PDE7B: variants seen among roughly 807,000 people sequenced by gnomAD.
PDE7B encodes the protein 3',5'-cyclic-AMP phosphodiesterase 7B.
A neutral mutation model predicts 56.2 loss-of-function variants in PDE7B; 29 were observed. The observed-to-expected ratio is 0.52, with a 90% CI of 0.38 to 0.70. The LOEUF is 0.70. PDE7B is among the 30% of genes least tolerant of loss of function. PDE7B has a pLI of 0.00. For missense variants in PDE7B, 490 were observed against 565.0 expected (o/e 0.87, Z 1.35); for synonymous variants, 197 against 196.9 (o/e 1.00, Z 0.00).
rs117256975 is a variant in PDE7B at position 136,087,182 on chromosome 6, C to T, written c.83-21549C>T. 2.7e-4 allele frequency among the ~76,000 whole-genome samples: 41 copies of T among 152,236 alleles called. No individual in the cohort carries two copies. The East Asian group carries it at 4.2e-3, about 16-fold the overall frequency. ...TATGGTTTAATTGTTGATTGTGGCA[C>T]GGCTGGGCATCTTACGTCGATTAAT... is the stretch of plus-strand genomic sequence containing the variant. On this transcript the variant is annotated intron_variant, in intron 2 of 12. Transcript: ENST00000308191.
chr6:136,179,358 A>G (rs191261515), intron 10 of PDE7B, among the ~76,000 whole-genome samples: 94 of 152,204 alleles, frequency 6.2e-4, no homozygotes, highest in African/African-American at 2.0e-3. Flanking sequence ...ACACAAAACA[A>G]CAACAACAAA....
intron 2 of PDE7B, among the ~76,000 whole-genome samples, chr6:136,081,998 G>T (rs1777213393): frequency 6.6e-6 from 1 of 152,122 alleles, no homozygotes; most frequent in African/African-American, 2.4e-5. Context: ...AGTCAGTCAG[G>T]GTAGGGCCCA....
Position 135,859,326 on chromosome 6 carries a change from C to T in PDE7B, c.21+7307C>T, listed in dbSNP as rs181089344. On this transcript the variant is annotated intron_variant, in intron 1 of 12. Transcript: ENST00000308191. Reference sequence around the variant, plus strand: ...TCATGCTTTTCCAATTAAATAAAAACCTAATTTCAATTGGGTTTTTAGCTT... The same window carrying T: ...TCATGCTTTTCCAATTAAATAAAAATCTAATTTCAATTGGGTTTTTAGCTT... Among the ~76,000 whole-genome samples, 6 of 151,604 alleles carry T rather than the reference C, an allele frequency of 4.0e-5. No individual in the cohort carries two copies. The East Asian group carries it at 1.2e-3, about 29-fold the overall frequency.
chr6:135,967,087 G>A (rs957052984), intron 2 of PDE7B, among the ~76,000 whole-genome samples: 1 of 152,118 alleles, frequency 6.6e-6, no homozygotes, highest in African/African-American at 2.4e-5. Flanking sequence ...CCTGGAACCT[G>A]GGCCTCCTCT....
At chr6:135,864,567 CTT>C (rs1775215233) in intron 1 of PDE7B, among the ~76,000 whole-genome samples, 1 of 151,940 alleles carries the variant, frequency 6.6e-6, no homozygotes, top group Non-Finnish European at 1.5e-5. Context: ...AGAAAATAGT[CTT>C]TTAAAAGCAA....
In PDE7B at chr6:136,186,117, T is replaced by TA. The variant is rs11305273; in HGVS notation, c.1046-910dup. Among the ~76,000 whole-genome samples, 39 of 150,112 alleles carry TA rather than the reference T, an allele frequency of 2.6e-4. No homozygotes were observed. The South Asian group carries it at 2.8e-3, about 11-fold the overall frequency. ...CCAGCCTGATAGCTGACCAAGGCAT[T>TA]AAAAAAAAACATTTTGAGCTGGGTG... On this transcript the variant is annotated intron_variant, in intron 11 of 12. Transcript: ENST00000308191.
chr6:135,870,955 A>G (rs546542710), intron 1 of PDE7B, among the ~76,000 whole-genome samples: 1 of 149,910 alleles, frequency 6.7e-6, no homozygotes, highest in East Asian at 1.9e-4. Flanking sequence ...TGCCTATATT[A>G]TTGGAGCCCT....
At chr6:136,177,466 AC>A (rs1205265081) in intron 9 of PDE7B, among the ~76,000 whole-genome samples, 2 of 152,206 alleles carry the variant, frequency 1.3e-5, no homozygotes, top group Non-Finnish European at 2.9e-5. Flanking sequence ...TAAGAAAAAG[AC>A]AACTTAATAG....
chr6:135,853,885 C>T (rs1419834387), intron 1 of PDE7B, among the ~76,000 whole-genome samples: 1 of 152,144 alleles, frequency 6.6e-6, no homozygotes, highest in African/African-American at 2.4e-5. Flanking sequence ...CCATAAAAAC[C>T]TAGTTAAAAT....
chr6:136,146,360 G>A (rs1428383781), intron 3 of PDE7B, among the ~76,000 whole-genome samples: 1 of 152,168 alleles, frequency 6.6e-6, no homozygotes, highest in South Asian at 2.1e-4. Context: ...TGTGTTTGGG[G>A]TATTTCTGGA....
chr6:135,944,236 G>A (rs762725909), intron 1 of PDE7B, among the ~76,000 whole-genome samples: 2 of 152,226 alleles, frequency 1.3e-5, no homozygotes, highest in Admixed American at 6.5e-5. Flanking sequence ...GGCACAAGAC[G>A]TTCCCCCAGG....
At chr6:136,101,127 G>A (rs1265169461) in intron 2 of PDE7B, among the ~76,000 whole-genome samples, 1 of 152,162 alleles carries the variant, frequency 6.6e-6, no homozygotes, top group Non-Finnish European at 1.5e-5. Flanking sequence ...CTTGATCGTG[G>A]TGGATAAGCT....
intron 2 of PDE7B, chr6:136,064,449 C>T (rs1359788704): frequency 2.6e-5 from 4 of 152,128 alleles, no homozygotes; most frequent in African/African-American, 9.7e-5. Context: ...AGAAGGAATC[C>T]GTAGGAGACC....
intron 12 of PDE7B, among the ~76,000 whole-genome samples, chr6:136,187,889 TC>T: frequency 6.6e-6 from 1 of 152,286 alleles, no homozygotes; most frequent in East Asian, 1.9e-4. Flanking sequence ...GCAGTTCCCT[TC>T]CATTGAATCC....
chr6:136,063,737 A>G (rs925665052), intron 2 of PDE7B, among the ~76,000 whole-genome samples: 2 of 152,090 alleles, frequency 1.3e-5, no homozygotes, highest in Admixed American at 1.3e-4. Context: ...TGTTTCTCAT[A>G]TTCACTGTTA....
chr6:136,174,866 TA>T (rs1393347884), intron 9 of PDE7B, among the ~76,000 whole-genome samples: 3 of 152,176 alleles, frequency 2.0e-5, no homozygotes, highest in African/African-American at 7.2e-5. Context: ...AATAAAAACT[TA>T]TGCCTCTTAC....
chr6:136,100,389 T>C (rs879384770), intron 2 of PDE7B, among the ~76,000 whole-genome samples: 4 of 152,204 alleles, frequency 2.6e-5, no homozygotes, highest in Non-Finnish European at 5.9e-5. Flanking sequence ...ACGATATTGA[T>C]TCTTCCTATC....
intron 1 of PDE7B, among the ~76,000 whole-genome samples, chr6:135,875,994 T>C (rs1213046793): frequency 1.3e-5 from 2 of 151,720 alleles, no homozygotes; most frequent in Non-Finnish European, 2.9e-5. Flanking sequence ...ACAAGAGATT[T>C]GGGGAGGAAA....
chr6:135,999,022 C>T (rs372105525), intron 2 of PDE7B, among the ~76,000 whole-genome samples: 14 of 151,914 alleles, frequency 9.2e-5, no homozygotes, highest in African/African-American at 1.7e-4. Flanking sequence ...AGGAAGAGAA[C>T]GGTGAATTTA....
Sources: gnomAD v4.1 joint callset for allele counts (sites outside exome capture counted in the v4.1 genomes callset) on GRCh38, gnomAD v4.1.1 for gene constraint, MANE v1.5 for transcripts, NCBI Gene and HGNC (gene_info 2026-07-23, HGNC 2026-07-21) for gene names.